Variants in NPRL3 observed in about 807,000 individuals in gnomAD.
NPRL3 encodes the protein NPR3 like, GATOR1 complex subunit, also known as GATOR1 complex protein NPRL3.
A neutral mutation model predicts 57.2 loss-of-function variants in NPRL3; 23 were observed. The ratio of observed to expected loss-of-function variants is 0.40; its 90% CI spans 0.29 to 0.57. The LOEUF is 0.57. NPRL3 is among the 20% of genes least tolerant of loss of function. NPRL3 has a pLI of 0.42. For missense variants in NPRL3, 691 were observed against 767.1 expected (o/e 0.90, Z 1.17); for synonymous variants, 333 against 321.1 (o/e 1.04, Z -0.39).
rs549874537 is a variant in NPRL3 at position 88,297 on chromosome 16, C to T, written c.1544+401G>A. ...TCAGGAGGCTGAGGCAGGAGAATGG[C>T]GTGAACCCGGGAAGCGGAGCTTGCA... is the stretch of plus-strand genomic sequence containing the variant. On this transcript the variant is annotated intron_variant, in intron 13 of 13. Transcript: ENST00000611875. 6.0e-5 allele frequency among the ~76,000 whole-genome samples: 9 copies of T among 150,866 alleles called. No homozygotes were observed. The East Asian group carries it at 1.4e-3, about 23-fold the overall frequency.
chr16:89,970 C>A (rs1898694979), intron 11 of NPRL3, 68 bp from the exon 12 acceptor site: 3 of 1,435,452 alleles, frequency 2.1e-6, no homozygotes, highest in Non-Finnish European at 2.8e-6. Context: ...GATCAGGGAG[C>A]CATGGCCCTA....
intron 2 of NPRL3, among the ~76,000 whole-genome samples, chr16:134,694 A>ATTATTATTTTTTTTTTTTTTTTTTTTTT (rs1346965930): frequency 9.7e-6 from 1 of 103,410 alleles, no homozygotes; most frequent in African/African-American, 3.4e-5. Context: ...AATTATTATT[A>ATTATTATTTTTTTTTTTTTTTTTTTTTT]TTTTTTTTTT....
intron 13 of NPRL3, 83 bp downstream of exon 13, chr16:88,615 T>C (rs903304581): frequency 2.5e-6 from 3 of 1,221,840 alleles, no homozygotes. Context: ...GTGGATTTGG[T>C]GGTTCTGTTG....
At chr16:96,640 G>C (rs760456857) in intron 9 of NPRL3, among the ~76,000 whole-genome samples, 1 of 100,070 alleles carries the variant, frequency 1.0e-5, no homozygotes, top group Non-Finnish European at 1.8e-5. Flanking sequence ...GGGAAACCCC[G>C]TCTCTACCAA....
rs1443454634 is a variant in NPRL3, at chr16:86,541, C to G, written c.*164G>C. 6.0e-6 allele frequency: 4 copies of G among 664,384 alleles called. No homozygotes were observed. The highest frequency in any genetic ancestry group is 1.0e-5 in the Non-Finnish European group (4 of 396,968). The allele number at this position is 664,384 out of a possible 1,614,324, so 41.2% of individuals were successfully genotyped here. A position where few individuals can be genotyped will look rare whatever the true frequency, so the allele number is the denominator to read the frequency against. On this transcript the variant is annotated 3_prime_UTR_variant, in exon 14 of 14. Transcript: ENST00000611875. ...ACAGCGGAACCACCAGGGGCAAGGA[C>G]AGCGGGGCTCTGCAGGCTTCACTGG...
intron 3 of NPRL3, among the ~76,000 whole-genome samples, chr16:128,844 C>T (rs1900662643): frequency 6.6e-6 from 1 of 151,924 alleles, no homozygotes; most frequent in African/African-American, 2.4e-5. Flanking sequence ...ATGCTCTGAG[C>T]TATGACAAGG....
chr16:96,813 A>G (rs1354558079), intron 9 of NPRL3, among the ~76,000 whole-genome samples: 1 of 152,152 alleles, frequency 6.6e-6, no homozygotes, highest in African/African-American at 2.4e-5. Flanking sequence ...ACAAGGGCAC[A>G]ATTTGGTAAG....
At chr16:91,033 T>G (rs891527869) in intron 11 of NPRL3, 13 of 151,280 alleles carry the variant, frequency 8.6e-5, no homozygotes, top group African/African-American at 2.4e-4. Flanking sequence ...TGAGCCAAGA[T>G]CACGCCACTG....
At chr16:120,375 T>C (rs1387548374) in intron 3 of NPRL3, among the ~76,000 whole-genome samples, 1 of 152,096 alleles carries the variant, frequency 6.6e-6, no homozygotes, top group African/African-American at 2.4e-5. Flanking sequence ...AGAGGCCCTC[T>C]TGGTGAAGGG....
At chr16:92,896 C>G in intron 10 of NPRL3, 171 bp from the exon 11 acceptor site, 5 of 757,310 alleles carry the variant, frequency 6.6e-6, no homozygotes, top group Non-Finnish European at 1.1e-5. Flanking sequence ...AGCCTGGGCA[C>G]TTCCCCTTGA....
intron 3 of NPRL3, among the ~76,000 whole-genome samples, chr16:121,447 A>ACCC (rs202205759): frequency 6.6e-6 from 1 of 151,282 alleles, no homozygotes; most frequent in Non-Finnish European, 1.5e-5. Context: ...ACATAATGAA[A>ACCC]CCCCCGTCTC....
chr16:93,931 C>T (rs2141910883), intron 9 of NPRL3, among the ~76,000 whole-genome samples: 1 of 152,334 alleles, frequency 6.6e-6, no homozygotes. Context: ...GCTGTCTTGA[C>T]TCCCACTGAA....
Position 88,587 on chromosome 16 carries a change from G to A in NPRL3, c.1544+111C>T, listed in dbSNP as rs2141899390. 48 of 980,218 alleles carry A rather than the reference G, an allele frequency of 4.9e-5. No individual in the cohort carries two copies. In the South Asian group the frequency reaches 7.5e-4, roughly 15 times the overall value. The allele number at this position is 980,218 out of a possible 1,614,324, so 60.7% of individuals were successfully genotyped here. A position where few individuals can be genotyped will look rare whatever the true frequency, so the allele number is the denominator to read the frequency against. On this transcript the variant is annotated intron_variant, in intron 13 of 13. Transcript: ENST00000611875. ...GAATGCAGAGACTCCATCTCGAACA[G>A]GGCCCCATCTGTTCTCAGTGGATTT...
chr16:122,740 T>G (rs1157635915), intron 3 of NPRL3, among the ~76,000 whole-genome samples: 3 of 151,916 alleles, frequency 2.0e-5, no homozygotes, highest in Non-Finnish European at 2.9e-5. Flanking sequence ...TGGAGTAGGG[T>G]TTGCTCTCTA....
At chr16:93,877 C>G (rs1596500843) in intron 9 of NPRL3, among the ~76,000 whole-genome samples, 1 of 152,148 alleles carries the variant, frequency 6.6e-6, no homozygotes, top group East Asian at 1.9e-4. Flanking sequence ...GCCTTTTTGT[C>G]ACTGCTCCCT....
chr16:89,051 G>A (rs1898637924), intron 12 of NPRL3, 161 bp from the exon 13 acceptor site: 4 of 666,230 alleles, frequency 6.0e-6, no homozygotes, highest in African/African-American at 1.8e-5. Context: ...CCTCCTGGGT[G>A]TGACACGCCC....
chr16:111,849 C>T (rs1183130373), intron 6 of NPRL3, among the ~76,000 whole-genome samples: 1 of 152,174 alleles, frequency 6.6e-6, no homozygotes, highest in East Asian at 1.9e-4. Flanking sequence ...ATTGCTACAA[C>T]AACTAGGTCT....
intron 2 of NPRL3, among the ~76,000 whole-genome samples, chr16:137,562 T>C (rs1424342520): frequency 2.0e-5 from 3 of 151,756 alleles, no homozygotes; most frequent in Admixed American, 6.6e-5. Context: ...TTTTTTTTTT[T>C]TTTTTGAGAC....
At chr16:93,960 A>C (rs1272340711) in intron 9 of NPRL3, among the ~76,000 whole-genome samples, 1 of 152,162 alleles carries the variant, frequency 6.6e-6, no homozygotes, top group Admixed American at 6.5e-5. Flanking sequence ...GTCTCAGGCC[A>C]CAAGCATGGG....
Sources: allele counts gnomAD v4.1 joint callset (sites outside exome capture counted in the v4.1 genomes callset), GRCh38; gene constraint gnomAD v4.1.1; transcripts MANE v1.5; gene names NCBI Gene and HGNC (gene_info 2026-07-23, HGNC 2026-07-21).